ZNF407: variants seen among roughly 807,000 people sequenced by gnomAD.
ZNF407 encodes the protein zinc finger protein 407.
In ZNF407, 17 loss-of-function variants were observed where a neutral mutation model predicts 131.2. That is an observed-to-expected ratio of 0.13 (90% CI 0.09 to 0.19). The LOEUF (loss-of-function observed/expected upper bound fraction) is 0.19, where lower values mean the gene tolerates loss of function less well. ZNF407 is among the 10% of genes least tolerant of loss of function. ZNF407 has a pLI of 1.00. For synonymous variants in ZNF407, 1,156 were observed against 1,062.0 expected (o/e 1.09, Z -1.72); for missense variants, 2,681 against 2,830.6 (o/e 0.95, Z 1.20).
intron 3 of ZNF407, among the ~76,000 whole-genome samples, chr18:74,647,197 C>T (rs993231565): frequency 6.6e-6 from 1 of 151,798 alleles, no homozygotes; most frequent in African/African-American, 2.4e-5. Context: ...AATCCCAGCA[C>T]TTTGGGAGGC....
intron 8 of ZNF407, among the ~76,000 whole-genome samples, chr18:74,932,792 T>C (rs1009985650): frequency 3.3e-5 from 5 of 152,258 alleles, no homozygotes; most frequent in African/African-American, 1.2e-4. Context: ...TTGCATTCAC[T>C]ATATTTTTCT....
intron 8 of ZNF407, among the ~76,000 whole-genome samples, chr18:74,973,072 G>T (rs1193211418): frequency 6.6e-6 from 1 of 151,898 alleles, no homozygotes; most frequent in Non-Finnish European, 1.5e-5. Flanking sequence ...CTAGAAGTCA[G>T]TTTTCATTTT....
rs1189679975 is a variant in ZNF407 at position 75,063,699 on chromosome 18, T to C, written c.5978T>C (p.Leu1993Pro). 1.2e-6 allele frequency: 2 copies of C among 1,612,094 alleles called. No individual in the cohort carries two copies. The highest frequency in any genetic ancestry group is 4.5e-5 in the East Asian group (2 of 44,816). ...PEASSALDALLCAVTELGEVE... is the reference protein window; with the variant it reads ...PEASSALDALPCAVTELGEVE... ...GCATCCTCAGCCCTGGATGCATTGC[T>C]CTGTGCGGTCACTGAATTAGGGGAG... The change falls in exon 9 of 9, where the codon CTC becomes CCC. Residue 1993 changes from leucine to proline, a missense_variant. Physicochemically the swap from Leu to Pro is moderately conservative, Grantham distance 98. Coordinates refer to ENST00000299687, the MANE Select transcript of ZNF407 (RefSeq NM_017757.3). The surrounding 1 kb of genome is among the most constrained non-coding windows in gnomAD (Gnocchi z 6.6).
At chr18:74,869,412 G>A (rs972595230) in intron 4 of ZNF407, among the ~76,000 whole-genome samples, 24 of 152,154 alleles carry the variant, frequency 1.6e-4, no homozygotes, top group Non-Finnish European at 3.4e-4. Context: ...AGTTGAAAGG[G>A]GGTAGTTTTA....
At chr18:74,696,674 A>G (rs1213058344) in intron 3 of ZNF407, among the ~76,000 whole-genome samples, 1 of 152,194 alleles carries the variant, frequency 6.6e-6, no homozygotes, top group Non-Finnish European at 1.5e-5. Context: ...ATACACATAC[A>G]CATGAATGTA....
chr18:74,740,359 G>T (rs1439885345), intron 3 of ZNF407, among the ~76,000 whole-genome samples: 1 of 152,146 alleles, frequency 6.6e-6, no homozygotes, highest in African/African-American at 2.4e-5. Context: ...CTGATGTATA[G>T]ATTCTTAACC....
chr18:74,884,992 A>G (rs1214535615), intron 6 of ZNF407, among the ~76,000 whole-genome samples: 3 of 152,194 alleles, frequency 2.0e-5, no homozygotes, highest in African/African-American at 7.2e-5. Flanking sequence ...AGTGAGTTTT[A>G]ATGCCAAAAC....
Position 74,877,193 on chromosome 18 carries a change from G to A in ZNF407, c.4878-4G>A. The A allele has an allele frequency of 6.2e-7, 1 of 1,613,760 alleles. No individual in the cohort carries two copies. Among genetic ancestry groups the A allele is most frequent in the South Asian group, 1.1e-5 (1 of 91,086 alleles). Reference sequence around the variant, plus strand: ...TTATATTGTTTTCTCTCTCCTTCATGCAGGAAATTTACATGCCACTTATGT... The same window carrying A: ...TTATATTGTTTTCTCTCTCCTTCATACAGGAAATTTACATGCCACTTATGT... On this transcript the variant is annotated splice_region_variant and splice_polypyrimidine_tract_variant and intron_variant, in intron 4 of 8. Coordinates refer to ENST00000299687, the MANE Select transcript of ZNF407 (RefSeq NM_017757.3).
intron 8 of ZNF407, among the ~76,000 whole-genome samples, chr18:75,011,423 C>T (rs1443076552): frequency 1.3e-5 from 2 of 152,092 alleles, no homozygotes; most frequent in African/African-American, 4.8e-5. Flanking sequence ...CAAAATAGAG[C>T]AGACATACCT....
At chr18:74,666,345 G>T (rs547569) in intron 3 of ZNF407, among the ~76,000 whole-genome samples, 125,250 of 151,966 alleles carry the variant, frequency 0.82, 52,064 homozygotes, top group Middle Eastern at 0.88. Flanking sequence ...CAGAGAAGTG[G>T]GTGGGCCCGA....
intron 8 of ZNF407, among the ~76,000 whole-genome samples, chr18:75,058,261 C>T (rs1215220909): frequency 6.6e-6 from 1 of 152,192 alleles, no homozygotes; most frequent in African/African-American, 2.4e-5. Context: ...ACTCAAAATC[C>T]TCTCCCCAAA....
At chr18:74,803,896 G>C (rs781000843) in intron 4 of ZNF407, 2 of 1,512,638 alleles carry the variant, frequency 1.3e-6, no homozygotes, top group African/African-American at 2.8e-5. Context: ...AAATGTTCAC[G>C]AGAATGCTTT....
At chr18:74,750,280 C>A (rs905475564) in intron 3 of ZNF407, among the ~76,000 whole-genome samples, 17 of 152,112 alleles carry the variant, frequency 1.1e-4, no homozygotes, top group African/African-American at 4.1e-4. Context: ...AATTGTTTAA[C>A]AGTTAATTGC....
chr18:74,609,655 A>G (rs751523535), intron 1 of ZNF407, among the ~76,000 whole-genome samples: 30 of 152,360 alleles, frequency 2.0e-4, no homozygotes, highest in Non-Finnish European at 4.1e-4. Context: ...CTGGCAGTGT[A>G]GTAGGTTTGC....
At chr18:74,844,136 T>C (rs1568238320) in intron 4 of ZNF407, among the ~76,000 whole-genome samples, 1 of 152,148 alleles carries the variant, frequency 6.6e-6, no homozygotes, top group Non-Finnish European at 1.5e-5. Context: ...ACTGCCCTGC[T>C]CCTCTACATG....
chr18:74,699,822 G>T (rs1227486363), intron 3 of ZNF407, among the ~76,000 whole-genome samples: 2 of 152,122 alleles, frequency 1.3e-5, no homozygotes, highest in Non-Finnish European at 2.9e-5. Flanking sequence ...GTATGACATA[G>T]ATTTTCTAAC....
chr18:74,950,434 G>T (rs777667346), intron 8 of ZNF407, among the ~76,000 whole-genome samples: 8 of 152,138 alleles, frequency 5.3e-5, no homozygotes, highest in Non-Finnish European at 8.8e-5. Context: ...GGAGGTCAAT[G>T]CCCTCTTGAA....
At chr18:74,946,585 AC>A (rs1169320208) in intron 8 of ZNF407, among the ~76,000 whole-genome samples, 1 of 152,258 alleles carries the variant, frequency 6.6e-6, no homozygotes, top group African/African-American at 2.4e-5. Flanking sequence ...TTCAAAATCA[AC>A]AATTATAGTT....
intron 4 of ZNF407, chr18:74,804,497 G>A (rs1970078428): frequency 3.0e-6 from 3 of 987,502 alleles, no homozygotes; most frequent in South Asian, 9.3e-5. Context: ...ACCCTTTTGG[G>A]AAAATTTCAC....
Sources: allele counts gnomAD v4.1 joint callset (sites outside exome capture counted in the v4.1 genomes callset), GRCh38; gene constraint gnomAD v4.1.1; non-coding constraint Gnocchi (gnomAD v3.1); transcripts MANE v1.5; gene names NCBI Gene and HGNC (gene_info 2026-07-23, HGNC 2026-07-21).